DPP6: variants seen among roughly 807,000 people sequenced by gnomAD.
DPP6 encodes A-type potassium channel modulatory protein DPP6.
Under a neutral mutation model 122.6 loss-of-function variants are expected in DPP6, and 69 were observed. The observed-to-expected ratio is 0.56, with a 90% CI of 0.46 to 0.69. DPP6 has a LOEUF of 0.69. DPP6 is among the 30% of genes least tolerant of loss of function. DPP6 has a pLI of 0.00. For missense variants in DPP6, 928 were observed against 1,116.9 expected (o/e 0.83, Z 2.41); for synonymous variants, 418 against 433.1 (o/e 0.97, Z 0.43).
chr7:153,864,687 ACACACACAC>A, the DPP6 span, among the ~76,000 whole-genome samples: 1 of 124,180 alleles, frequency 8.1e-6, no homozygotes, highest in South Asian at 2.4e-4. Context: ...ACACACACAC[ACACACACAC>A]ACACACACAC....
intron 7 of DPP6, among the ~76,000 whole-genome samples, chr7:154,691,977 G>T (rs2131220458): frequency 1.6e-5 from 1 of 62,006 alleles, no homozygotes. Flanking sequence ...ACACACGTTG[G>T]GTGGAAACCC....
chr7:154,580,164 C>T (rs1397941831), intron 5 of DPP6, among the ~76,000 whole-genome samples: 2 of 148,594 alleles, frequency 1.3e-5, no homozygotes, highest in Non-Finnish European at 3.0e-5. Flanking sequence ...CACACACACA[C>T]ACACACACAC....
chr7:154,681,791 T>G (rs1839296690), intron 7 of DPP6, among the ~76,000 whole-genome samples: 1 of 152,230 alleles, frequency 6.6e-6, no homozygotes, highest in Non-Finnish European at 1.5e-5. Context: ...CTGCGACCTT[T>G]TCTTCCTTTA....
In DPP6 at chr7:154,821,550, G is replaced by A. The variant is rs1402786998; in HGVS notation, c.1666+14438G>A. 1.3e-5 allele frequency among the ~76,000 whole-genome samples: 2 copies of A among 150,622 alleles called. No individual in the cohort carries two copies. The highest frequency in any genetic ancestry group is 2.9e-5 in the Non-Finnish European group (2 of 67,820). On this transcript the variant is annotated intron_variant, in intron 16 of 25. Transcript: ENST00000377770. The surrounding 1 kb of genome is among the most constrained non-coding windows in gnomAD (Gnocchi z 4.2). ...GTAATGACACTACTCCTCTATCAGA[G>A]CTTTCAAACACTTTTAGAGGCACAA...
At chr7:153,773,264 CGT>C in the DPP6 span, among the ~76,000 whole-genome samples, 998 of 132,424 alleles carry the variant, frequency 7.5e-3, 5 homozygotes, top group African/African-American at 0.019. Context: ...TCTTTTCTTT[CGT>C]GTGTGTGTGT....
chr7:154,448,991 C>G (rs1820125921), intron 2 of DPP6, among the ~76,000 whole-genome samples: 1 of 152,176 alleles, frequency 6.6e-6, no homozygotes. Flanking sequence ...AGGGATAAAT[C>G]TTTGTGACTT....
chr7:154,129,959 CCAGTTACT>C (rs1808240250), intron 1 of DPP6, among the ~76,000 whole-genome samples: 1 of 151,400 alleles, frequency 6.6e-6, no homozygotes, highest in Non-Finnish European at 1.5e-5. Flanking sequence ...GCCTGTAATC[CCAGTTACT>C]CAGGAGGCGG....
At chr7:153,751,265 G>A in the DPP6 span, among the ~76,000 whole-genome samples, 1 of 151,888 alleles carries the variant, frequency 6.6e-6, no homozygotes, top group African/African-American at 2.4e-5. Context: ...CTTTTGTTTG[G>A]TCTCATTCAT....
rs556323736 is a variant in DPP6 at position 154,215,448 on chromosome 7, G to A, written c.243+162385G>A. Among the ~76,000 whole-genome samples, 15 of 152,290 alleles carry A rather than the reference G, an allele frequency of 9.8e-5. No individual in the cohort carries two copies. The South Asian group carries it at 2.7e-3, about 27-fold the overall frequency. Reference sequence around the variant, plus strand: ...GGATTTATAGAACTGAGAAACAGTTGAGAGGCTCTGTGGTGTGCGGATGGT... The same window carrying A: ...GGATTTATAGAACTGAGAAACAGTTAAGAGGCTCTGTGGTGTGCGGATGGT... On this transcript the variant is annotated intron_variant, in intron 1 of 25. Transcript: ENST00000377770.
At chr7:153,804,712 G>A in the DPP6 span, among the ~76,000 whole-genome samples, 1 of 152,024 alleles carries the variant, frequency 6.6e-6, no homozygotes, top group East Asian at 1.9e-4. Context: ...GGCCAACATG[G>A]TGAAATCCCC....
At chr7:154,808,516 G>A (rs1245496677) in intron 16 of DPP6, among the ~76,000 whole-genome samples, 1 of 152,130 alleles carries the variant, frequency 6.6e-6, no homozygotes, top group African/African-American at 2.4e-5. Context: ...TGCTGTAGGG[G>A]AAAGAACCTA....
At chr7:154,396,311 A>G (rs1328176422) in intron 1 of DPP6, among the ~76,000 whole-genome samples, 1 of 152,206 alleles carries the variant, frequency 6.6e-6, no homozygotes, top group Non-Finnish European at 1.5e-5. Context: ...CCACCAGGCC[A>G]GGAAATAGTG....
chr7:154,297,805 C>G (rs940952430), intron 1 of DPP6, among the ~76,000 whole-genome samples: 2 of 152,154 alleles, frequency 1.3e-5, no homozygotes, highest in Admixed American at 1.3e-4. Context: ...TTGTAGCAAG[C>G]ATTCCAGATA....
intron 1 of DPP6, among the ~76,000 whole-genome samples, chr7:153,953,519 G>A (rs1336394135): frequency 3.9e-5 from 6 of 152,312 alleles, no homozygotes; most frequent in African/African-American, 1.2e-4. Context: ...TGCCCAGGAC[G>A]TAGGGGATAA....
intron 5 of DPP6, among the ~76,000 whole-genome samples, chr7:154,568,934 A>G (rs892285829): frequency 6.6e-6 from 1 of 152,220 alleles, no homozygotes; most frequent in Non-Finnish European, 1.5e-5. Flanking sequence ...CAGTTACTGT[A>G]TACATGACTA....
At chr7:153,819,963 G>A in the DPP6 span, among the ~76,000 whole-genome samples, 2 of 152,064 alleles carry the variant, frequency 1.3e-5, no homozygotes, top group African/African-American at 4.8e-5. Context: ...CAATCTTAAA[G>A]CTAGGAACAT....
intron 2 of DPP6, among the ~76,000 whole-genome samples, chr7:154,455,559 C>T (rs1449582882): frequency 1.3e-5 from 2 of 152,200 alleles, no homozygotes; most frequent in Non-Finnish European, 2.9e-5. Context: ...TACATTGCTA[C>T]TAACCCTATA....
At chr7:154,690,081 G>A (rs190451554) in intron 7 of DPP6, among the ~76,000 whole-genome samples, 60 of 152,274 alleles carry the variant, frequency 3.9e-4, no homozygotes, top group African/African-American at 1.4e-3. Context: ...CATAAATTCA[G>A]GCCCTAAAAT....
chr7:154,742,374 A>G lies in DPP6; in HGVS notation c.883+14487A>G, dbSNP rs531517449. 5.3e-5 allele frequency among the ~76,000 whole-genome samples: 8 copies of G among 152,344 alleles called. No individual in the cohort carries two copies. The East Asian group carries it at 1.5e-3, about 29-fold the overall frequency. Reference sequence around the variant, plus strand: ...AACCACATCCTAATTACATGGCACAAATCTTTCACACATTTAGACACTTTT... The same window carrying G: ...AACCACATCCTAATTACATGGCACAGATCTTTCACACATTTAGACACTTTT... On this transcript the variant is annotated intron_variant, in intron 8 of 25. Coordinates refer to ENST00000377770, the MANE Select transcript of DPP6 (RefSeq NM_130797.4).
Sources: gnomAD v4.1 joint callset for allele counts (sites outside exome capture counted in the v4.1 genomes callset) on GRCh38, gnomAD v4.1.1 for gene constraint, Gnocchi (gnomAD v3.1) non-coding constraint, MANE v1.5 for transcripts, NCBI Gene and HGNC (gene_info 2026-07-23, HGNC 2026-07-21) for gene names.